The following PRKCI variants were observed in gnomAD, a reference collection of about 807,000 sequenced individuals.
PRKCI encodes the protein protein kinase C iota type.
PRKCI carries 43 observed loss-of-function variants against 84.0 expected under a neutral mutation model. The ratio of observed to expected loss-of-function variants is 0.51; its 90% CI spans 0.40 to 0.66. PRKCI has a LOEUF of 0.66. Among genes scored for constraint, PRKCI ranks in the 30% least tolerant of loss-of-function variants. The probability of loss-of-function intolerance (pLI) is 0.00; values close to 1 mark genes in which losing one functional copy is unlikely to be tolerated. For synonymous variants in PRKCI, 216 were observed against 234.4 expected (o/e 0.92, Z 0.72); for missense variants, 459 against 745.6 (o/e 0.62, Z 4.48).
chr3:170,283,068 G>A (rs1734292364), intron 11 of PRKCI, among the ~76,000 whole-genome samples: 1 of 150,422 alleles, frequency 6.6e-6, no homozygotes. Flanking sequence ...TTGCGCCACT[G>A]CACTCCAGCC....
chr3:170,271,753 T>G (rs181201750), intron 6 of PRKCI, among the ~76,000 whole-genome samples: 14 of 152,312 alleles, frequency 9.2e-5, no homozygotes, highest in Admixed American at 3.3e-4. Flanking sequence ...GGGGTTGGTT[T>G]GTTTGTTTTG....
intron 2 of PRKCI, among the ~76,000 whole-genome samples, chr3:170,253,323 C>T (rs1279530395): frequency 6.6e-6 from 1 of 152,126 alleles, no homozygotes; most frequent in Non-Finnish European, 1.5e-5. Context: ...GTGAGGGTTC[C>T]CTTTTCTGCA....
chr3:170,271,187 A>G (rs894871744), intron 6 of PRKCI, among the ~76,000 whole-genome samples: 19 of 152,170 alleles, frequency 1.2e-4, no homozygotes, highest in African/African-American at 4.6e-4. Flanking sequence ...TTAATTTTCC[A>G]TATGGAAAAA....
chr3:170,299,161 A>G, intron 17 of PRKCI, 51 bp downstream of exon 17: 1 of 1,035,238 alleles, frequency 9.7e-7, no homozygotes, highest in Middle Eastern at 2.2e-4. Context: ...TGGAAATCCC[A>G]TTTTTAGTGA....
chr3:170,230,573 A>G (rs1281610107), intron 1 of PRKCI, among the ~76,000 whole-genome samples: 2 of 152,126 alleles, frequency 1.3e-5, no homozygotes, highest in African/African-American at 4.8e-5. Flanking sequence ...CAAGTGATTC[A>G]CCCGCTGTGG....
chr3:170,246,681 T>A (rs1733297051), intron 2 of PRKCI, among the ~76,000 whole-genome samples: 1 of 152,132 alleles, frequency 6.6e-6, no homozygotes, highest in Admixed American at 6.6e-5. Context: ...ATAAGAAAAT[T>A]TACCAGTTCG....
chr3:170,231,679 G>A (rs1196283970), intron 1 of PRKCI, among the ~76,000 whole-genome samples: 1 of 151,976 alleles, frequency 6.6e-6, no homozygotes, highest in African/African-American at 2.4e-5. Context: ...TGGCCAGACT[G>A]GTCTCGAACG....
chr3:170,266,019 A>G lies in PRKCI; in HGVS notation c.365-1896A>G, dbSNP rs77347213. Among the ~76,000 whole-genome samples the G allele has an allele frequency of 4.0e-3, 603 of 152,246 alleles. 4 individuals are homozygous for G. The highest frequency in any genetic ancestry group is 0.014 in the African/African-American group (573 of 41,552). On this transcript the variant is annotated intron_variant, in intron 4 of 17. Coordinates refer to ENST00000295797, the MANE Select transcript of PRKCI (RefSeq NM_002740.6). ...AATTTTAAATAGTAAACCCATTGCT[A>G]TATTTGCTTTAAAATATGACTTTGG...
At chr3:170,297,246 A>T (rs1023768492) in intron 15 of PRKCI, 58 bp from the exon 16 acceptor site, 2 of 1,369,942 alleles carry the variant, frequency 1.5e-6, no homozygotes, top group Non-Finnish European at 1.0e-6. Flanking sequence ...GATCACAAAG[A>T]TGATTTATTT....
At chr3:170,270,904 A>G (rs368777398) in intron 6 of PRKCI, among the ~76,000 whole-genome samples, 1 of 152,164 alleles carries the variant, frequency 6.6e-6, no homozygotes, top group African/African-American at 2.4e-5. Flanking sequence ...TCTAGCTTCT[A>G]TCCTAAGCAG....
At chr3:170,240,981 A>G (rs1468079100) in intron 2 of PRKCI, among the ~76,000 whole-genome samples, 1 of 152,220 alleles carries the variant, frequency 6.6e-6, no homozygotes, top group Non-Finnish European at 1.5e-5. Flanking sequence ...TTGTGTAACA[A>G]AAGTGTGGGA....
chr3:170,295,904 T>G lies in PRKCI; in HGVS notation c.1418-7T>G, dbSNP rs766931601. 8.6e-6 allele frequency: 13 copies of G among 1,517,646 alleles called. No individual in the cohort carries two copies. The Admixed American group carries it at 9.3e-5, about 11-fold the overall frequency. 94.0% of individuals were successfully genotyped at this position (1,517,646 alleles called of 1,614,324 possible). A position where few individuals can be genotyped will look rare whatever the true frequency, so the allele number is the denominator to read the frequency against. ...TAAATATAATACTATAATTTTTATC[T>G]TTCTAGTTATTTTGGAAAAACAAAT... On this transcript the variant is annotated splice_region_variant and splice_polypyrimidine_tract_variant and intron_variant, in intron 14 of 17. Transcript: ENST00000295797.
At chr3:170,240,713 TC>T (rs1733108903) in intron 2 of PRKCI, among the ~76,000 whole-genome samples, 1 of 152,230 alleles carries the variant, frequency 6.6e-6, no homozygotes, top group Non-Finnish European at 1.5e-5. Flanking sequence ...TCACTTGATT[TC>T]TCTGGCATAT....
At chr3:170,241,040 A>G (rs1482057809) in intron 2 of PRKCI, among the ~76,000 whole-genome samples, 1 of 152,096 alleles carries the variant, frequency 6.6e-6, no homozygotes, top group African/African-American at 2.4e-5. Flanking sequence ...GTAAGTTTTC[A>G]GTTCTTTTTT....
chr3:170,289,746 C>G (rs1374958712), intron 12 of PRKCI, among the ~76,000 whole-genome samples: 1 of 152,126 alleles, frequency 6.6e-6, no homozygotes. Flanking sequence ...AACCCCGTCA[C>G]TACTAAAAAT....
intron 2 of PRKCI, among the ~76,000 whole-genome samples, chr3:170,242,446 A>G (rs541956105): frequency 4.7e-5 from 7 of 147,652 alleles, no homozygotes; most frequent in African/African-American, 8.0e-5. Context: ...ATCTCAAAAG[A>G]AAAAAGAAAA....
At chr3:170,267,494 A>G (rs1484978775) in intron 4 of PRKCI, among the ~76,000 whole-genome samples, 2 of 151,916 alleles carry the variant, frequency 1.3e-5, no homozygotes, top group African/African-American at 4.8e-5. Flanking sequence ...ACCAACATGG[A>G]GAAACCCTGT....
At chr3:170,265,158 C>T (rs534941244) in intron 4 of PRKCI, among the ~76,000 whole-genome samples, 1 of 149,762 alleles carries the variant, frequency 6.7e-6, no homozygotes, top group South Asian at 2.1e-4. Flanking sequence ...CAGTACATTC[C>T]AATCTGGACA....
At chr3:170,248,162 G>T (rs1464160432) in intron 2 of PRKCI, among the ~76,000 whole-genome samples, 2 of 151,968 alleles carry the variant, frequency 1.3e-5, no homozygotes, top group African/African-American at 4.8e-5. Flanking sequence ...TGAAATGTGG[G>T]GCACTGAATT....
Sources: gnomAD v4.1 joint callset for allele counts (sites outside exome capture counted in the v4.1 genomes callset) on GRCh38, gnomAD v4.1.1 for gene constraint, MANE v1.5 for transcripts, NCBI Gene and HGNC (gene_info 2026-07-23, HGNC 2026-07-21) for gene names.